The following GRIP1 variants were observed in gnomAD, a reference collection of about 807,000 sequenced individuals.
GRIP1 encodes glutamate receptor-interacting protein 1.
Under a neutral mutation model 129.9 loss-of-function variants are expected in GRIP1, and 45 were observed. The ratio of observed to expected loss-of-function variants is 0.35; its 90% confidence interval spans 0.27 to 0.44. The LOEUF is 0.44. Ranked by LOEUF, GRIP1 falls within the 20% of genes least tolerant of loss-of-function variation. The probability of loss-of-function intolerance (pLI) is 1.00; values close to 1 mark genes in which losing one functional copy is unlikely to be tolerated. For synonymous variants in GRIP1, 530 were observed against 520.8 expected (o/e 1.02, Z -0.24); for missense variants, 1,196 against 1,396.8 (o/e 0.86, Z 2.29).
intron 1 of GRIP1, among the ~76,000 whole-genome samples, chr12:66,608,563 C>T (rs1475946669): frequency 6.6e-6 from 1 of 152,112 alleles, no homozygotes; most frequent in Non-Finnish European, 1.5e-5. Flanking sequence ...GAACTCCTGA[C>T]CTCAGTGATC....
At chr12:66,864,154 T>C (rs1467798339) in intron 1 of GRIP1, among the ~76,000 whole-genome samples, 1 of 151,636 alleles carries the variant, frequency 6.6e-6, no homozygotes, top group Non-Finnish European at 1.5e-5. Flanking sequence ...TGGCTTCTCT[T>C]CCACCCCTGC....
chr12:66,392,899 T>C, intron 17 of GRIP1, 83 bp from the exon 18 acceptor site: 1 of 1,296,966 alleles, frequency 7.7e-7, no homozygotes, highest in Non-Finnish European at 1.1e-6. Context: ...ACCTTATACA[T>C]TCATCATAAT....
At chr12:66,940,331 A>C (rs1187232988) in intron 1 of GRIP1, among the ~76,000 whole-genome samples, 1 of 152,158 alleles carries the variant, frequency 6.6e-6, no homozygotes, top group East Asian at 1.9e-4. Flanking sequence ...ATGCACCATG[A>C]AATTAAATGA....
At chr12:66,636,391 A>G (rs1193539038) in intron 1 of GRIP1, among the ~76,000 whole-genome samples, 7 of 152,208 alleles carry the variant, frequency 4.6e-5, no homozygotes, top group East Asian at 1.9e-4. Flanking sequence ...GCACTTAAAT[A>G]TGGTTAAAAT....
intron 1 of GRIP1, among the ~76,000 whole-genome samples, chr12:66,810,996 G>T (rs1488922856): frequency 1.3e-5 from 2 of 152,204 alleles, no homozygotes; most frequent in Non-Finnish European, 2.9e-5. Flanking sequence ...GTGGAGGACA[G>T]TGCTTACAGT....
intron 1 of GRIP1, among the ~76,000 whole-genome samples, chr12:66,933,775 C>T (rs1223383990): frequency 6.6e-6 from 1 of 152,164 alleles, no homozygotes; most frequent in Non-Finnish European, 1.5e-5. Context: ...TCTAAACTTG[C>T]AAATATTTGA....
intron 1 of GRIP1, among the ~76,000 whole-genome samples, chr12:66,739,288 T>C (rs997697444): frequency 6.6e-6 from 1 of 152,162 alleles, no homozygotes; most frequent in Non-Finnish European, 1.5e-5. Flanking sequence ...ATCTCAATTT[T>C]ACAGAAGAAA....
At chr12:66,375,278 C>T (rs924297346) in intron 22 of GRIP1, among the ~76,000 whole-genome samples, 20 of 152,056 alleles carry the variant, frequency 1.3e-4, no homozygotes, top group Non-Finnish European at 2.2e-4. Context: ...ATACATTTTT[C>T]GGTGCTAAAG....
intron 1 of GRIP1, among the ~76,000 whole-genome samples, chr12:66,756,658 C>T: frequency 6.6e-6 from 1 of 152,128 alleles, no homozygotes. Context: ...AGGCAGTTAA[C>T]TAGCATTAAG....
At chr12:66,694,052 G>A (rs998985627) in intron 1 of GRIP1, among the ~76,000 whole-genome samples, 2 of 152,152 alleles carry the variant, frequency 1.3e-5, no homozygotes, top group African/African-American at 4.8e-5. Flanking sequence ...ACTATTATGA[G>A]CATCAGAAAC....
chr12:66,405,771 A>G (rs890169255), intron 16 of GRIP1, among the ~76,000 whole-genome samples: 1 of 152,258 alleles, frequency 6.6e-6, no homozygotes, highest in Admixed American at 6.5e-5. Context: ...ATATCTATGC[A>G]TAAAGATGTC....
At chr12:66,732,925 G>A (rs1434833406) in intron 1 of GRIP1, among the ~76,000 whole-genome samples, 5 of 152,132 alleles carry the variant, frequency 3.3e-5, no homozygotes, top group Admixed American at 3.3e-4. Flanking sequence ...TGACAATTCA[G>A]AAAAGTCATT....
chr12:66,495,582 T>C (rs1490728410), intron 7 of GRIP1, among the ~76,000 whole-genome samples: 1 of 152,142 alleles, frequency 6.6e-6, no homozygotes, highest in African/African-American at 2.4e-5. Flanking sequence ...ACAGGTGGCA[T>C]AGTTAATATT....
intron 1 of GRIP1, among the ~76,000 whole-genome samples, chr12:66,793,828 T>C (rs1187847892): frequency 1.3e-5 from 2 of 152,146 alleles, no homozygotes; most frequent in Non-Finnish European, 2.9e-5. Context: ...ATACCGACAA[T>C]TGTGTAACAT....
chr12:66,597,413 G>A (rs182447557), intron 1 of GRIP1, among the ~76,000 whole-genome samples: 1 of 152,264 alleles, frequency 6.6e-6, no homozygotes, highest in Admixed American at 6.5e-5. Context: ...GTATTGCAAG[G>A]GAAATAAAGC....
At chr12:66,925,197 C>A (rs573964490) in intron 1 of GRIP1, among the ~76,000 whole-genome samples, 5 of 152,050 alleles carry the variant, frequency 3.3e-5, no homozygotes, top group Admixed American at 6.5e-5. Context: ...TTAAAATCAC[C>A]CTCCCATATA....
intron 1 of GRIP1, among the ~76,000 whole-genome samples, chr12:66,627,741 G>A (rs11176337): frequency 0.2 from 30,089 of 152,008 alleles, 3,097 homozygotes; most frequent in Non-Finnish European, 0.23. Context: ...GTTCAGAGTC[G>A]GGGAGTCATT....
chr12:66,538,664 G>A (rs902256190), intron 4 of GRIP1, among the ~76,000 whole-genome samples: 27 of 151,702 alleles, frequency 1.8e-4, no homozygotes, highest in Admixed American at 1.0e-3. Context: ...TGGCAGTGGC[G>A]TGATCATGTC....
intron 1 of GRIP1, among the ~76,000 whole-genome samples, chr12:67,038,747 A>T (rs538143493): frequency 6.6e-6 from 1 of 152,358 alleles, no homozygotes; most frequent in South Asian, 2.1e-4. Context: ...CCATCTGAGC[A>T]AAGGCAGACT....
Sources: gnomAD v4.1 joint callset for allele counts (sites outside exome capture counted in the v4.1 genomes callset) on GRCh38, gnomAD v4.1.1 for gene constraint, MANE v1.5 for transcripts, NCBI Gene and HGNC (gene_info 2026-07-23, HGNC 2026-07-21) for gene names.